DIAPH2: variants seen among roughly 807,000 people sequenced by gnomAD.
The protein encoded by DIAPH2 is diaphanous related formin 2.
DIAPH2 carries 35 observed loss-of-function variants against 92.7 expected under a neutral mutation model. That is an observed-to-expected ratio of 0.38 (90% CI 0.29 to 0.50). DIAPH2 has a LOEUF of 0.50. Among genes scored for constraint, DIAPH2 ranks in the 20% least tolerant of loss-of-function variants. The pLI is 0.94. For synonymous variants in DIAPH2, 301 were observed against 280.4 expected (o/e 1.07, Z -0.73); for missense variants, 701 against 819.5 (o/e 0.86, Z 1.77).
intron 26 of DIAPH2, among the ~76,000 whole-genome samples, chrX:97,454,886 A>G (rs1462122290): frequency 9.0e-6 from 1 of 111,563 alleles, no homozygotes; most frequent in Non-Finnish European, 1.9e-5. Context: ...TAAATTTGTA[A>G]ATGAAAAAGA....
intron 17 of DIAPH2, among the ~76,000 whole-genome samples, chrX:96,978,308 T>C (rs2065974348): frequency 9.0e-6 from 1 of 111,400 alleles, no homozygotes. Flanking sequence ...TAATTTGTGT[T>C]CATTACTCAG....
At chrX:97,019,967 G>A (rs1386265006) in intron 17 of DIAPH2, among the ~76,000 whole-genome samples, 1 of 112,240 alleles carries the variant, frequency 8.9e-6, no homozygotes, top group East Asian at 2.8e-4. Context: ...CACGACTCCT[G>A]TATTTTAAAT....
At chrX:96,788,510 C>T (rs1342271626) in intron 4 of DIAPH2, among the ~76,000 whole-genome samples, 2 of 111,630 alleles carry the variant, frequency 1.8e-5, no homozygotes, top group Non-Finnish European at 3.8e-5. Context: ...AACCACCTCC[C>T]AACCCGTCCC....
chrX:97,226,352 GTT>G (rs754230047), intron 22 of DIAPH2, among the ~76,000 whole-genome samples: 1 of 110,450 alleles, frequency 9.1e-6, no homozygotes, highest in Non-Finnish European at 1.9e-5. Context: ...TTTGTTTTTT[GTT>G]TTTTGTTTTA....
chrX:97,168,047 C>T (rs751081580), intron 22 of DIAPH2, among the ~76,000 whole-genome samples: 24 of 110,066 alleles, frequency 2.2e-4, no homozygotes, highest in African/African-American at 6.9e-4. Flanking sequence ...TAAAAATGTG[C>T]CTTTTAATGA....
intron 26 of DIAPH2, among the ~76,000 whole-genome samples, chrX:97,583,201 G>T (rs192920183): frequency 9.8e-5 from 11 of 112,277 alleles, no homozygotes; most frequent in Non-Finnish European, 1.9e-4. Context: ...GTCCAGCTTT[G>T]TTCTGCTGCT....
At chrX:96,829,313 A>T (rs1003582111) in intron 4 of DIAPH2, among the ~76,000 whole-genome samples, 10 of 110,720 alleles carry the variant, frequency 9.0e-5, no homozygotes, top group African/African-American at 3.3e-4. Flanking sequence ...GGGAGTGTGT[A>T]TCTGCCAATG....
chrX:97,052,909 T>C (rs1033307824), intron 17 of DIAPH2, among the ~76,000 whole-genome samples: 4 of 111,073 alleles, frequency 3.6e-5, no homozygotes, highest in African/African-American at 1.3e-4. Context: ...AGGTTTTCTT[T>C]TTTTTAAAGA....
chrX:97,276,274 G>A (rs1255344348), intron 23 of DIAPH2, among the ~76,000 whole-genome samples: 1 of 111,616 alleles, frequency 9.0e-6, no homozygotes, highest in African/African-American at 3.3e-5. Flanking sequence ...GTGGGGAGAG[G>A]GACAGGGACA....
chrX:97,402,161 C>T (rs922875996), intron 25 of DIAPH2, among the ~76,000 whole-genome samples: 6 of 110,762 alleles, frequency 5.4e-5, no homozygotes, highest in African/African-American at 2.0e-4. Flanking sequence ...AAAACTAAAA[C>T]ATGCTAGAAT....
chrX:97,260,804 C>T (rs1018245154), intron 23 of DIAPH2, among the ~76,000 whole-genome samples: 7 of 112,006 alleles, frequency 6.2e-5, no homozygotes, highest in African/African-American at 2.3e-4. Context: ...CTAAGAGGTT[C>T]GAATAGATTT....
intron 20 of DIAPH2, among the ~76,000 whole-genome samples, chrX:97,112,686 C>A (rs1301800225): frequency 9.3e-6 from 1 of 107,737 alleles, no homozygotes; most frequent in Admixed American, 1.0e-4. Context: ...CCTTTTCTCA[C>A]ACCATTCTCT....
chrX:96,943,530 C>G (rs746015538), intron 13 of DIAPH2, among the ~76,000 whole-genome samples: 3 of 110,721 alleles, frequency 2.7e-5, no homozygotes, highest in Non-Finnish European at 5.7e-5. Context: ...TCATAAGGGA[C>G]TATTTTCAAA....
intron 22 of DIAPH2, among the ~76,000 whole-genome samples, chrX:97,183,613 G>A (rs2067557528): frequency 8.9e-6 from 1 of 112,047 alleles, no homozygotes; most frequent in Admixed American, 9.5e-5. Flanking sequence ...CATGCAAGAA[G>A]CATTATCATT....
At chrX:96,982,465 T>C (rs2066003823) in intron 17 of DIAPH2, among the ~76,000 whole-genome samples, 1 of 112,392 alleles carries the variant, frequency 8.9e-6, no homozygotes, top group South Asian at 3.7e-4. Flanking sequence ...ATGTGTTGTT[T>C]CCTAGCATGT....
intron 4 of DIAPH2, among the ~76,000 whole-genome samples, chrX:96,758,875 CTG>C (rs1315473899): frequency 4.5e-5 from 5 of 110,556 alleles, no homozygotes; most frequent in Admixed American, 3.9e-4. Context: ...TATTAGGAAA[CTG>C]TGTGTTTTAG....
intron 25 of DIAPH2, among the ~76,000 whole-genome samples, chrX:97,428,444 G>A (rs775132666): frequency 3.0e-4 from 32 of 107,949 alleles, no homozygotes; most frequent in African/African-American, 9.2e-4. Context: ...CAGGAGAATC[G>A]CTTGAACCCC....
chrX:97,288,255 C>G (rs1389909444), intron 23 of DIAPH2, among the ~76,000 whole-genome samples: 3 of 111,053 alleles, frequency 2.7e-5, no homozygotes, highest in Non-Finnish European at 3.8e-5. Flanking sequence ...CTGCAGTCAC[C>G]CTAGTATAAC....
At chrX:97,269,483 A>G (rs186169305) in intron 23 of DIAPH2, among the ~76,000 whole-genome samples, 4 of 112,283 alleles carry the variant, frequency 3.6e-5, no homozygotes, top group East Asian at 2.8e-4. Flanking sequence ...ATTATTTACA[A>G]TTTGCCAGAC....
Sources: gnomAD v4.1 joint callset for allele counts (sites outside exome capture counted in the v4.1 genomes callset) on GRCh38, gnomAD v4.1.1 for gene constraint, MANE v1.5 for transcripts, NCBI Gene and HGNC (gene_info 2026-07-23, HGNC 2026-07-21) for gene names.